CCL28: variants seen among roughly 807,000 people sequenced by gnomAD.
CCL28 encodes C-C motif chemokine ligand 28.
A neutral mutation model predicts 7.1 loss-of-function variants in CCL28; 4 were observed. That is an observed-to-expected ratio of 0.56 (90% CI 0.28 to 1.29). The LOEUF (loss-of-function observed/expected upper bound fraction) is 1.29. Among genes scored for constraint, CCL28 ranks in the 50% most tolerant of loss-of-function variants. The probability of loss-of-function intolerance (pLI) is 0.11; values close to 1 mark genes in which losing one functional copy is unlikely to be tolerated. For synonymous variants in CCL28, 55 were observed against 57.8 expected (o/e 0.95, Z 0.22); for missense variants, 151 against 163.4 (o/e 0.92, Z 0.41).
the CCL28 span, among the ~76,000 whole-genome samples, chr5:43,364,324 C>T: frequency 1.8e-4 from 27 of 151,328 alleles, no homozygotes; most frequent in Non-Finnish European, 1.8e-4. Flanking sequence ...TGTGTATGTA[C>T]ATGTACATGT....
At chr5:43,373,410 C>T (rs990774779), downstream of CCL28, among the ~76,000 whole-genome samples, 3 of 152,086 alleles carry the variant, frequency 2.0e-5, no homozygotes, top group South Asian at 6.2e-4. Flanking sequence ...AAGTGATTCT[C>T]CTGCCTCAGC....
chr5:43,362,927 A>C, the CCL28 span, among the ~76,000 whole-genome samples: 2 of 151,714 alleles, frequency 1.3e-5, no homozygotes, highest in African/African-American at 4.9e-5. Context: ...TGCAGTTGTC[A>C]CCCGTGATCT....
the CCL28 span, among the ~76,000 whole-genome samples, chr5:43,361,256 A>C: frequency 6.6e-6 from 1 of 152,196 alleles, no homozygotes; most frequent in Non-Finnish European, 1.5e-5. Flanking sequence ...TGTCTTTGCT[A>C]TTGTGAACAG....
intron 1 of CCL28, among the ~76,000 whole-genome samples, chr5:43,400,911 G>A (rs958137264): frequency 1.3e-5 from 2 of 151,694 alleles, no homozygotes; most frequent in African/African-American, 2.4e-5. Context: ...GTGAAACCCC[G>A]TCTCTACTAA....
chr5:43,391,345 G>A (rs1424393562), intron 1 of CCL28, among the ~76,000 whole-genome samples: 1 of 152,262 alleles, frequency 6.6e-6, no homozygotes, highest in Non-Finnish European at 1.5e-5. Context: ...AGTTGTAGGA[G>A]GATGACATGA....
At chr5:43,399,915 G>A (rs978056684) in intron 1 of CCL28, among the ~76,000 whole-genome samples, 2 of 150,650 alleles carry the variant, frequency 1.3e-5, no homozygotes, top group African/African-American at 2.4e-5. Flanking sequence ...GTGTGATCAC[G>A]GCTCACCGCA....
intron 1 of CCL28, among the ~76,000 whole-genome samples, chr5:43,407,087 G>A (rs9762973): frequency 0.036 from 5,413 of 152,216 alleles, 260 homozygotes; most frequent in African/African-American, 0.11. Flanking sequence ...TATAGATTCA[G>A]TGCCATCCCC....
At chr5:43,374,610 A>G (rs941948481), downstream of CCL28, among the ~76,000 whole-genome samples, 2 of 151,940 alleles carry the variant, frequency 1.3e-5, no homozygotes, top group Admixed American at 6.6e-5. Flanking sequence ...GTGAAACCCC[A>G]TCTCTACTAA....
chr5:43,402,002 G>T (rs1416928611), intron 1 of CCL28, among the ~76,000 whole-genome samples: 1 of 152,164 alleles, frequency 6.6e-6, no homozygotes, highest in African/African-American at 2.4e-5. Context: ...GCAACTAGCA[G>T]CACCCCTACA....
intron 2 of CCL28, among the ~76,000 whole-genome samples, chr5:43,387,634 G>A (rs1400034881): frequency 6.6e-6 from 1 of 152,108 alleles, no homozygotes; most frequent in Non-Finnish European, 1.5e-5. Context: ...TTGTTGTGGT[G>A]GTGGTGGTTT....
At chr5:43,398,359 G>C (rs1740901956) in intron 1 of CCL28, among the ~76,000 whole-genome samples, 1 of 152,168 alleles carries the variant, frequency 6.6e-6, no homozygotes, top group Non-Finnish European at 1.5e-5. Flanking sequence ...GTGTTGCTGG[G>C]ACCACCGGTG....
intron 1 of CCL28, among the ~76,000 whole-genome samples, chr5:43,405,215 A>G (rs185278906): frequency 1.1e-3 from 162 of 152,362 alleles, no homozygotes; most frequent in African/African-American, 3.4e-3. Flanking sequence ...TCTTCTTAGC[A>G]TCACATTGCA....
rs778384039 is a variant in CCL28, at chr5:43,400,585, TC to T, written c.64+11667del. ...AGGATCTCACTACTCAAAGTGTGGCTCCCAGAGCCACAACAATGGCATCACC... is the reference window on the plus strand; with the variant it reads ...AGGATCTCACTACTCAAAGTGTGGCTCCAGAGCCACAACAATGGCATCACC... On this transcript the variant is annotated intron_variant, in intron 1 of 2. Transcript: ENST00000361115. Among the ~76,000 whole-genome samples the T allele has an allele frequency of 1.8e-4, 28 of 152,216 alleles. 1 individual carries two copies. In the East Asian group the frequency reaches 5.4e-3, roughly 29 times the overall value.
chr5:43,363,565 C>T, the CCL28 span, among the ~76,000 whole-genome samples: 1 of 152,318 alleles, frequency 6.6e-6, no homozygotes, highest in African/African-American at 2.4e-5. Flanking sequence ...AAGAATCCAC[C>T]TCCTTGCCCA....
downstream of CCL28, among the ~76,000 whole-genome samples, chr5:43,374,571 A>G (rs1739846679): frequency 6.6e-6 from 1 of 152,172 alleles, no homozygotes. Context: ...TCACGAGGTC[A>G]GAAGTTCAAG....
At chr5:43,383,905 G>C (rs1201845670) in intron 2 of CCL28, 1 of 157,248 alleles carries the variant, frequency 6.4e-6, no homozygotes, top group African/African-American at 2.4e-5. Flanking sequence ...TGGCCAACGT[G>C]GTGAACCCCT....
Position 43,379,410 on chromosome 5 carries a change from A to C in CCL28, c.*2450T>G, listed in dbSNP as rs1435876742. The C allele has an allele frequency of 2.6e-5, 4 of 152,178 alleles. No homozygotes were observed. Among genetic ancestry groups the C allele is most frequent in the Admixed American group, 2.6e-4 (4 of 15,270 alleles). The allele number at this position is 152,178 out of a possible 1,614,324, so 9.4% of individuals were successfully genotyped here. A position where few individuals can be genotyped will look rare whatever the true frequency, so the allele number is the denominator to read the frequency against. ...TTTTATTAATTTTTTCTTATTTAAA[A>C]AGCTTGTCTCTGCCACTTCCTGTGT... is the stretch of plus-strand genomic sequence containing the variant. On this transcript the variant is annotated 3_prime_UTR_variant, in exon 3 of 3. Transcript: ENST00000361115.
At chr5:43,362,705 A>G in the CCL28 span, among the ~76,000 whole-genome samples, 1 of 152,194 alleles carries the variant, frequency 6.6e-6, no homozygotes, top group African/African-American at 2.4e-5. Context: ...GATTTCTTAT[A>G]CAGCAATATG....
At chr5:43,370,741 TCTC>T in the CCL28 span, among the ~76,000 whole-genome samples, 1,504 of 41,214 alleles carry the variant, frequency 0.036, 18 homozygotes, top group African/African-American at 0.073. Flanking sequence ...TCTCTTTCTC[TCTC>T]TTTTTTTTTT....
Sources: gnomAD v4.1 joint callset for allele counts (sites outside exome capture counted in the v4.1 genomes callset) on GRCh38, gnomAD v4.1.1 for gene constraint, MANE v1.5 for transcripts, NCBI Gene and HGNC (gene_info 2026-07-23, HGNC 2026-07-21) for gene names.